TRPC7: variants seen among roughly 807,000 people sequenced by gnomAD.
TRPC7 encodes short transient receptor potential channel 7.
Under a neutral mutation model 90.1 loss-of-function variants are expected in TRPC7, and 42 were observed. That is an observed-to-expected ratio of 0.47 (90% CI 0.36 to 0.60). The LOEUF (loss-of-function observed/expected upper bound fraction) is 0.60. Ranked by LOEUF, TRPC7 falls within the 20% of genes least tolerant of loss-of-function variation. The pLI, the probability that TRPC7 is intolerant of heterozygous loss-of-function variation, is 0.00. For synonymous variants in TRPC7, 451 were observed against 436.3 expected (o/e 1.03, Z -0.42); for missense variants, 955 against 1,112.3 (o/e 0.86, Z 2.01).
rs575419406 is a variant in TRPC7, at chr5:136,228,182, G to A, written c.2041-1927C>T. Among the ~76,000 whole-genome samples, 19 of 152,284 alleles carry A rather than the reference G, an allele frequency of 1.2e-4. No individual in the cohort carries two copies. The East Asian group carries it at 3.5e-3, about 28-fold the overall frequency. ...TATTGTTGTACCCAGAGCTGGAGGAGGGTCTAGGTGCTGAGGCCACTGACC... is the reference window on the plus strand; with the variant it reads ...TATTGTTGTACCCAGAGCTGGAGGAAGGTCTAGGTGCTGAGGCCACTGACC... On this transcript the variant is annotated intron_variant, in intron 8 of 11. Transcript: ENST00000513104.
chr5:136,238,383 G>A (rs1756058253), intron 7 of TRPC7, among the ~76,000 whole-genome samples: 1 of 152,178 alleles, frequency 6.6e-6, no homozygotes, highest in Non-Finnish European at 1.5e-5. Context: ...TGTAGCTGGG[G>A]GGAGGGGTCA....
At chr5:136,276,681 G>C (rs973473710) in intron 3 of TRPC7, among the ~76,000 whole-genome samples, 15 of 152,148 alleles carry the variant, frequency 9.9e-5, no homozygotes, top group African/African-American at 3.4e-4. Flanking sequence ...TTTCTTTGTG[G>C]CATTACTGCT....
rs113203412 is a variant in TRPC7, at chr5:136,253,794, TTGC to T, written c.1346-1915_1346-1913del. On this transcript the variant is annotated intron_variant, in intron 5 of 11. Coordinates refer to ENST00000513104, the MANE Select transcript of TRPC7 (RefSeq NM_020389.3). Reference sequence around the variant, plus strand: ...CTTTTAAGTGAAAGGAAGAGTTGCATTGCATTTCTCACTTTAAATCAAAAGCTA... The same window carrying T: ...CTTTTAAGTGAAAGGAAGAGTTGCATATTTCTCACTTTAAATCAAAAGCTA... 8.0e-3 allele frequency among the ~76,000 whole-genome samples: 1,220 copies of T among 152,326 alleles called. 14 individuals carry two copies. The highest frequency in any genetic ancestry group is 0.021 in the African/African-American group (860 of 41,578).
At chr5:136,344,256 C>T (rs912606199) in intron 2 of TRPC7, among the ~76,000 whole-genome samples, 20 of 152,172 alleles carry the variant, frequency 1.3e-4, no homozygotes, top group Middle Eastern at 3.4e-3. Flanking sequence ...GAACAACAGA[C>T]GCTTGGGCCT....
intron 3 of TRPC7, among the ~76,000 whole-genome samples, chr5:136,310,545 C>A (rs1758792721): frequency 6.6e-6 from 1 of 152,058 alleles, no homozygotes; most frequent in African/African-American, 2.4e-5. Flanking sequence ...GTCTGGAAGG[C>A]TCAGGAGGAG....
intron 5 of TRPC7, among the ~76,000 whole-genome samples, chr5:136,263,870 A>G (rs1756941760): frequency 6.6e-6 from 1 of 152,182 alleles, no homozygotes; most frequent in Admixed American, 6.5e-5. Flanking sequence ...AGGTGGGGGA[A>G]GTATAGATGG....
intron 10 of TRPC7, among the ~76,000 whole-genome samples, chr5:136,223,561 C>A (rs922531112): frequency 6.6e-6 from 1 of 151,426 alleles, no homozygotes; most frequent in African/African-American, 2.4e-5. Context: ...TGCAGCGAGC[C>A]GAGATCGCAC....
At chr5:136,249,243 T>C (rs1303637195) in intron 6 of TRPC7, among the ~76,000 whole-genome samples, 1 of 152,174 alleles carries the variant, frequency 6.6e-6, no homozygotes, top group Non-Finnish European at 1.5e-5. Context: ...TTATTCTTTA[T>C]TTTCAAAACT....
At chr5:136,343,371 T>C (rs565427691) in intron 2 of TRPC7, among the ~76,000 whole-genome samples, 1 of 152,306 alleles carries the variant, frequency 6.6e-6, no homozygotes, top group East Asian at 1.9e-4. Flanking sequence ...CACTCTGACC[T>C]TCCCCAGCCT....
At chr5:136,275,937 C>G (rs906186688) in intron 3 of TRPC7, among the ~76,000 whole-genome samples, 2 of 152,256 alleles carry the variant, frequency 1.3e-5, no homozygotes, top group East Asian at 3.9e-4. Context: ...TAGTGTTTGA[C>G]CTCTTTAGGG....
intron 10 of TRPC7, among the ~76,000 whole-genome samples, chr5:136,220,146 C>T (rs753128766): frequency 3.3e-5 from 5 of 152,142 alleles, no homozygotes; most frequent in African/African-American, 4.8e-5. Context: ...TTTAAGTGTA[C>T]AAATTTATTG....
Position 136,240,150 on chromosome 5 carries a change from G to A in TRPC7, c.1844+7321C>T, listed in dbSNP as rs186951543. On this transcript the variant is annotated intron_variant, in intron 7 of 11. Coordinates refer to ENST00000513104, the MANE Select transcript of TRPC7 (RefSeq NM_020389.3). ...GCCATCTACCCAAATGCCTTCCTAC[G>A]TGAAGCTCTCCAAAAATGCCTTGCA... Among the ~76,000 whole-genome samples, 150 of 152,230 alleles carry A rather than the reference G, an allele frequency of 9.9e-4. 1 individual carries two copies. Among genetic ancestry groups the A allele is most frequent in the African/African-American group, 3.3e-3 (139 of 41,530 alleles).
Position 136,356,818 on chromosome 5 carries a change from G to A in TRPC7, c.570C>T (p.Ile190=). 6.8e-6 allele frequency: 11 copies of A among 1,613,532 alleles called. No homozygotes were observed. Among genetic ancestry groups the A allele is most frequent in the Non-Finnish European group, 8.5e-6 (10 of 1,179,680 alleles). The stretch of plus-strand genomic sequence containing the variant: ...TGCAGAAGTAGTCGTGGGGCCGCTC[G>A]ATGCGGGCGCCCTTGAGCAGCAGGA... The part of the protein sequence containing the change: ...VHILLLKGAR[I]ERPHDYFCKC... Residue 190 remains isoleucine, a synonymous_variant, in exon 2 of 12, where the codon ATC becomes ATT. Transcript: ENST00000513104.
intron 3 of TRPC7, among the ~76,000 whole-genome samples, chr5:136,295,900 A>G (rs1392172): frequency 0.64 from 97,421 of 152,022 alleles, 32,005 homozygotes; most frequent in African/African-American, 0.8. Context: ...CCTACTGGAC[A>G]CCTCTAACGG....
chr5:136,258,473 G>A (rs952743233), intron 5 of TRPC7, among the ~76,000 whole-genome samples: 2 of 151,860 alleles, frequency 1.3e-5, no homozygotes, highest in Admixed American at 6.6e-5. Context: ...GTAAGCATGC[G>A]CCCCCACCCT....
intron 7 of TRPC7, among the ~76,000 whole-genome samples, chr5:136,233,692 T>C (rs559420461): frequency 6.6e-6 from 1 of 152,314 alleles, no homozygotes; most frequent in East Asian, 1.9e-4. Flanking sequence ...ATACTTGCCA[T>C]AGAGAAAGGC....
chr5:136,337,811 CTT>C (rs1195501666), intron 2 of TRPC7, among the ~76,000 whole-genome samples: 2 of 152,148 alleles, frequency 1.3e-5, no homozygotes, highest in Non-Finnish European at 2.9e-5. Flanking sequence ...CAGAAAGACT[CTT>C]GGTCCAGCAT....
At chr5:136,264,906 T>A (rs1051693776) in intron 5 of TRPC7, among the ~76,000 whole-genome samples, 2 of 152,188 alleles carry the variant, frequency 1.3e-5, no homozygotes, top group Non-Finnish European at 2.9e-5. Context: ...GCTGGTTTTA[T>A]AAAGTCCCTG....
At position 136,251,782 on chromosome 5, in the gene TRPC7, G is replaced by T. The variant is rs368396777; in HGVS notation, c.1446C>A (p.Phe482Leu). ...NLLDFGMLSI[F>L]VASFTARFMA... is the part of the protein sequence containing the mutation. The stretch of plus-strand genomic sequence containing the variant: ...TGAAGCGTGCTGTGAAGGAGGCCAC[G>T]AAGATGGACAGCATCCCGAAATCTA... Residue 482 changes from phenylalanine to leucine, a missense_variant, in exon 6 of 12, where the codon TTC (phenylalanine) becomes TTA (leucine). Phe to Leu is a conservative substitution (Grantham distance 22, BLOSUM62 0). Coordinates refer to ENST00000513104, the MANE Select transcript of TRPC7 (RefSeq NM_020389.3). 2.7e-5 allele frequency: 43 copies of T among 1,613,890 alleles called. No individual in the cohort carries two copies. Among genetic ancestry groups the T allele is most frequent in the Admixed American group, 1.3e-4 (8 of 60,002 alleles).
Sources: gnomAD v4.1 joint callset for allele counts (sites outside exome capture counted in the v4.1 genomes callset) on GRCh38, gnomAD v4.1.1 for gene constraint, MANE v1.5 for transcripts, NCBI Gene and HGNC (gene_info 2026-07-23, HGNC 2026-07-21) for gene names.